RBPMS: variants seen among roughly 807,000 people sequenced by gnomAD.
The protein encoded by RBPMS is RNA binding protein, mRNA processing factor.
Under a neutral mutation model 26.8 loss-of-function variants are expected in RBPMS, and 7 were observed. That is an observed-to-expected ratio of 0.26 (90% CI 0.15 to 0.49). The LOEUF (loss-of-function observed/expected upper bound fraction) is 0.49. Ranked by LOEUF, RBPMS falls within the 20% of genes least tolerant of loss-of-function variation. RBPMS has a pLI of 0.98. For missense variants in RBPMS, 186 were observed against 250.0 expected (o/e 0.74, Z 1.73); for synonymous variants, 96 against 93.3 (o/e 1.03, Z -0.17).
At position 30,508,537 on chromosome 8, in the gene RBPMS, G is replaced by A. The variant is rs145146741; in HGVS notation, c.397+4101G>A. Among the ~76,000 whole-genome samples the A allele has an allele frequency of 2.1e-4, 32 of 152,202 alleles. 2 individuals carry two copies. Among genetic ancestry groups the A allele is most frequent in the Middle Eastern group, 3.4e-3 (1 of 294 alleles). ...CGTGTGTAAAAATGGGTACATTCAC[G>A]TGCCTTTTGTCCCTCATAATTAAAA... On this transcript the variant is annotated intron_variant, in intron 5 of 8. Coordinates refer to ENST00000397323, the MANE Select transcript of RBPMS (RefSeq NM_001008710.3).
chr8:30,492,855 C>CT (rs1819539803), intron 4 of RBPMS, among the ~76,000 whole-genome samples: 1 of 151,982 alleles, frequency 6.6e-6, no homozygotes, highest in Non-Finnish European at 1.5e-5. Flanking sequence ...TTTTCTTACT[C>CT]TTTTTTTCCT....
chr8:30,505,801 CTGTAGATG>C (rs774918899), intron 5 of RBPMS, among the ~76,000 whole-genome samples: 18 of 152,154 alleles, frequency 1.2e-4, no homozygotes, highest in Admixed American at 2.6e-4. Flanking sequence ...ACTTGTAGAA[CTGTAGATG>C]CATTTGTATG....
At chr8:30,422,568 C>G (rs1276697833) in intron 1 of RBPMS, among the ~76,000 whole-genome samples, 16 of 152,234 alleles carry the variant, frequency 1.1e-4, no homozygotes, top group Non-Finnish European at 2.2e-4. Flanking sequence ...CCTCACCTGG[C>G]CTGCTGTTAT....
At chr8:30,421,164 TGAGA>T (rs376542372) in intron 1 of RBPMS, among the ~76,000 whole-genome samples, 22 of 151,142 alleles carry the variant, frequency 1.5e-4, no homozygotes, top group Admixed American at 7.3e-4. Flanking sequence ...TGTGTGTGTG[TGAGA>T]GAGAGTGTGT....
intron 6 of RBPMS, among the ~76,000 whole-genome samples, chr8:30,546,659 G>A (rs2151054938): frequency 6.6e-6 from 1 of 152,324 alleles, no homozygotes; most frequent in East Asian, 1.9e-4. Flanking sequence ...ATCGGTCCCA[G>A]ATTTGGTGGG....
chr8:30,548,839 G>A (rs941402986), intron 6 of RBPMS, among the ~76,000 whole-genome samples: 2 of 152,222 alleles, frequency 1.3e-5, no homozygotes, highest in Admixed American at 6.5e-5. Context: ...TTAAAAAAAA[G>A]CAAATCGTAT....
intron 8 of RBPMS, among the ~76,000 whole-genome samples, chr8:30,569,517 G>A (rs896994532): frequency 6.6e-6 from 1 of 152,202 alleles, no homozygotes; most frequent in Non-Finnish European, 1.5e-5. Flanking sequence ...GGCACGGCAC[G>A]CTCTGCTGAA....
chr8:30,434,188 G>GC (rs1812213100), intron 1 of RBPMS, among the ~76,000 whole-genome samples: 1 of 151,936 alleles, frequency 6.6e-6, no homozygotes, highest in Non-Finnish European at 1.5e-5. Flanking sequence ...TCCTTCTAAG[G>GC]TATAAAATGA....
intron 1 of RBPMS, among the ~76,000 whole-genome samples, chr8:30,415,057 C>G (rs973959726): frequency 6.6e-6 from 1 of 152,180 alleles, no homozygotes; most frequent in African/African-American, 2.4e-5. Context: ...TTCAAAGATC[C>G]AAGTGTCTAC....
At chr8:30,496,419 T>C (rs577263800) in intron 4 of RBPMS, among the ~76,000 whole-genome samples, 14 of 152,124 alleles carry the variant, frequency 9.2e-5, no homozygotes, top group South Asian at 2.1e-4. Flanking sequence ...CTGCCCTCCT[T>C]GGCCTCCCAA....
At chr8:30,449,614 G>T (rs1222029004) in intron 1 of RBPMS, among the ~76,000 whole-genome samples, 2 of 152,054 alleles carry the variant, frequency 1.3e-5, no homozygotes, top group African/African-American at 2.4e-5. Flanking sequence ...CAGGTCACCT[G>T]CCCACCTCAG....
intron 5 of RBPMS, among the ~76,000 whole-genome samples, chr8:30,506,432 C>T (rs986315550): frequency 1.3e-5 from 2 of 151,496 alleles, no homozygotes; most frequent in East Asian, 1.9e-4. Context: ...CTCATTTTTA[C>T]GACACAGCAT....
At chr8:30,488,860 A>T (rs569892847) in intron 4 of RBPMS, among the ~76,000 whole-genome samples, 112 of 152,296 alleles carry the variant, frequency 7.4e-4, no homozygotes, top group African/African-American at 2.6e-3. Flanking sequence ...CAATGGAAGT[A>T]TGTCTTCTTG....
chr8:30,493,953 A>G (rs560951891), intron 4 of RBPMS, among the ~76,000 whole-genome samples: 1 of 152,328 alleles, frequency 6.6e-6, no homozygotes, highest in Non-Finnish European at 1.5e-5. Flanking sequence ...GTTGGCTAAC[A>G]CAAAAAGTAA....
Position 30,526,978 on chromosome 8 carries a change from G to A in RBPMS, c.398-17516G>A, listed in dbSNP as rs188332212. Among the ~76,000 whole-genome samples, 205 of 152,276 alleles carry A rather than the reference G, an allele frequency of 1.3e-3. 3 individuals are homozygous for A. The highest frequency in any genetic ancestry group is 0.012 in the South Asian group (59 of 4,828). On this transcript the variant is annotated intron_variant, in intron 5 of 8. Transcript: ENST00000397323. ...AATGCATCACCAAAAGTGCCAGGGTGATGATTCAGATAGCGCTCTGTAGCT... is the reference window on the plus strand; with the variant it reads ...AATGCATCACCAAAAGTGCCAGGGTAATGATTCAGATAGCGCTCTGTAGCT...
chr8:30,457,317 T>C (rs2150766111), intron 1 of RBPMS, among the ~76,000 whole-genome samples: 1 of 152,344 alleles, frequency 6.6e-6, no homozygotes, highest in African/African-American at 2.4e-5. Context: ...TACAAATCTG[T>C]ATTCTCATTC....
In RBPMS at chr8:30,389,463, G is replaced by T. The variant is rs922888232; in HGVS notation, c.66+4305G>T. 4.6e-5 allele frequency among the ~76,000 whole-genome samples: 7 copies of T among 152,334 alleles called. No homozygotes were observed. In the East Asian group the frequency reaches 1.2e-3, roughly 25 times the overall value. On this transcript the variant is annotated intron_variant, in intron 1 of 8. Transcript: ENST00000397323. ...TGCTTTAAGGATAAAAGTGTTCAGT[G>T]CTGGTGACAAGGCAATAAAGTGGGT...
intron 8 of RBPMS, among the ~76,000 whole-genome samples, chr8:30,568,480 T>C (rs1828049563): frequency 6.6e-6 from 1 of 152,164 alleles, no homozygotes. Flanking sequence ...AGACCCAAAA[T>C]GCAGTGTTTT....
chr8:30,479,167 A>G (rs1818017203), intron 3 of RBPMS, 148 bp from the exon 4 acceptor site: 2 of 641,138 alleles, frequency 3.1e-6, no homozygotes, highest in Non-Finnish European at 5.4e-6. Context: ...CCACTGAGTC[A>G]TGATTCTTCG....
Sources: gnomAD v4.1 joint callset for allele counts (sites outside exome capture counted in the v4.1 genomes callset) on GRCh38, gnomAD v4.1.1 for gene constraint, MANE v1.5 for transcripts, NCBI Gene and HGNC (gene_info 2026-07-23, HGNC 2026-07-21) for gene names.